STK4: variants seen among roughly 807,000 people sequenced by gnomAD.
The protein encoded by STK4 is serine/threonine-protein kinase 4.
Under a neutral mutation model 64.9 loss-of-function variants are expected in STK4, and 30 were observed. The observed-to-expected ratio is 0.46, with a 90% confidence interval of 0.35 to 0.63. The LOEUF (loss-of-function observed/expected upper bound fraction) is 0.63. Ranked by LOEUF, STK4 falls within the 20% of genes least tolerant of loss-of-function variation. The pLI, the probability that STK4 is intolerant of heterozygous loss-of-function variation, is 0.01. For missense variants in STK4, 466 were observed against 598.5 expected (o/e 0.78, Z 2.31); for synonymous variants, 177 against 199.0 (o/e 0.89, Z 0.93).
intron 6 of STK4, among the ~76,000 whole-genome samples, chr20:44,995,684 T>G (rs992299993): frequency 2.0e-5 from 3 of 152,046 alleles, no homozygotes; most frequent in African/African-American, 7.2e-5. Flanking sequence ...TGTGTAAATT[T>G]GTAAGTGTCG....
chr20:45,035,593 A>G (rs924351415), intron 10 of STK4, among the ~76,000 whole-genome samples: 2 of 152,192 alleles, frequency 1.3e-5, no homozygotes, highest in East Asian at 1.9e-4. Flanking sequence ...AATTCAATCT[A>G]TATTTATTGA....
chr20:45,070,863 G>T (rs1980004373), intron 10 of STK4, among the ~76,000 whole-genome samples: 1 of 149,512 alleles, frequency 6.7e-6, no homozygotes, highest in Non-Finnish European at 1.5e-5. Context: ...ACTTGCCTGG[G>T]GGACAGAGCC....
chr20:45,069,823 A>G (rs1361795662), intron 10 of STK4, among the ~76,000 whole-genome samples: 1 of 152,244 alleles, frequency 6.6e-6, no homozygotes, highest in Non-Finnish European at 1.5e-5. Context: ...GACAAGGTCA[A>G]TCCCTTACAG....
chr20:44,974,099 G>C (rs1601178781), intron 2 of STK4: 1 of 152,212 alleles, frequency 6.6e-6, no homozygotes, highest in African/African-American at 2.4e-5. Context: ...TATTTTTGTA[G>C]AGACGAGGTC....
At chr20:45,029,126 C>T (rs998840377) in intron 10 of STK4, among the ~76,000 whole-genome samples, 1 of 152,300 alleles carries the variant, frequency 6.6e-6, no homozygotes, top group Middle Eastern at 3.4e-3. Context: ...AGATTTTACA[C>T]AAAATGTTGG....
chr20:44,972,824 C>G (rs140768900), intron 2 of STK4: 1 of 151,346 alleles, frequency 6.6e-6, no homozygotes, highest in Non-Finnish European at 1.5e-5. Flanking sequence ...GACACCATTT[C>G]TTAAGTTTTT....
intron 9 of STK4, among the ~76,000 whole-genome samples, chr20:45,018,051 A>G (rs888213044): frequency 4.6e-5 from 7 of 152,246 alleles, no homozygotes; most frequent in African/African-American, 1.7e-4. Flanking sequence ...ATGAGCTGAT[A>G]CATGTAAAGC....
At chr20:45,068,132 C>A (rs376759410) in intron 10 of STK4, among the ~76,000 whole-genome samples, 7 of 152,138 alleles carry the variant, frequency 4.6e-5, no homozygotes, top group African/African-American at 1.7e-4. Flanking sequence ...GAATAATGTC[C>A]TCCATTGAAA....
intron 10 of STK4, among the ~76,000 whole-genome samples, chr20:45,071,741 T>C (rs1290017140): frequency 1.3e-5 from 2 of 152,286 alleles, no homozygotes; most frequent in East Asian, 3.9e-4. Context: ...AATACCTGTA[T>C]AGCTTCTTTA....
chr20:44,981,838 A>G lies in STK4; in HGVS notation c.255A>G (p.Val85=). The change falls in exon 4 of 11, where the codon GTA becomes GTG. Residue 85 remains valine (V), a synonymous_variant. Coordinates refer to ENST00000372806, the MANE Select transcript of STK4 (RefSeq NM_006282.5). ...SIMQQCDSPH[V]VKYYGSYFKN... is the part of the protein sequence containing the mutation. ...GTCTCTCTCTCTCTAGCCCTCATGT[A>G]GTCAAATATTATGGCAGTTATTTTA... The G allele has an allele frequency of 6.2e-7, 1 of 1,605,762 alleles. No individual in the cohort carries two copies. The highest frequency in any genetic ancestry group is 2.2e-5 in the East Asian group (1 of 44,794).
rs1270989946 is a variant in STK4 at position 45,076,438 on chromosome 20, T to C, written c.*1262T>C. 1 of 152,184 alleles carries C rather than the reference T, an allele frequency of 6.6e-6. No individual in the cohort carries two copies. The highest frequency in any genetic ancestry group is 1.5e-5 in the Non-Finnish European group (1 of 68,044). The allele number at this position is 152,184 out of a possible 1,614,324, so 9.4% of individuals were successfully genotyped here. ...GCCACCGAACCATGCAGCCCCTTCT[T>C]TGGGGGAAGAGACCTGTGTCAGTCT... On this transcript the variant is annotated 3_prime_UTR_variant, in exon 11 of 11. Transcript: ENST00000372806. This position sits in a 1 kb window ranked among gnomAD's most constrained non-coding sequence, Gnocchi z 4.0.
At chr20:45,020,452 GTGTGTGTGTGTGTGTATGTT>G (rs1339013013) in intron 9 of STK4, among the ~76,000 whole-genome samples, 1 of 126,032 alleles carries the variant, frequency 7.9e-6, no homozygotes, top group Non-Finnish European at 1.6e-5. Context: ...GTGTGTGTGT[GTGTGTGTGTGTGTGTATGTT>G]TATGTTTATG....
In STK4 at chr20:44,978,430, C is replaced by T; in HGVS notation, c.117-13C>T. 1 of 1,600,182 alleles carries T rather than the reference C, an allele frequency of 6.2e-7. No homozygotes were observed. Among genetic ancestry groups the T allele is most frequent in the Non-Finnish European group, 8.5e-7 (1 of 1,175,414 alleles). ...TTGACTTTATAAATGTTCTTCTTCT[C>T]CCAAATGTATAGGTCCTATGGCAGC... On this transcript the variant is annotated splice_polypyrimidine_tract_variant and intron_variant, in intron 2 of 10. Coordinates refer to ENST00000372806, the MANE Select transcript of STK4 (RefSeq NM_006282.5).
intron 10 of STK4, among the ~76,000 whole-genome samples, chr20:45,059,264 T>C (rs568020319): frequency 1.3e-5 from 2 of 152,356 alleles, no homozygotes; most frequent in East Asian, 3.9e-4. Context: ...AGAAGATTCA[T>C]TCTTACTGTA....
In STK4 at chr20:45,078,915, T is replaced by C. The variant is rs1179998966; in HGVS notation, c.*3739T>C. ...TAAAAAGCCAATAGAATATTATGAA[T>C]AATTTTATGCTAATAAATTTAACAA... On this transcript the variant is annotated 3_prime_UTR_variant, in exon 11 of 11. Transcript: ENST00000372806. The C allele has an allele frequency of 6.6e-6, 1 of 152,280 alleles. No individual in the cohort carries two copies. The highest frequency in any genetic ancestry group is 1.5e-5 in the Non-Finnish European group (1 of 68,034). 9.4% of individuals were successfully genotyped at this position (152,280 alleles called of 1,614,324 possible).
Position 45,012,779 on chromosome 20 carries a change from ATCTTCT to A in STK4, c.1147+11443_1147+11448del, listed in dbSNP as rs1186946228. On this transcript the variant is annotated intron_variant, in intron 9 of 10. Coordinates refer to ENST00000372806, the MANE Select transcript of STK4 (RefSeq NM_006282.5). ...TTTTTCCTTTTGATCTTTATATATAATCTTCTTCTTCTTCTTCTTCTTTTTTTTTTT... is the reference window on the plus strand; with the variant it reads ...TTTTTCCTTTTGATCTTTATATATAATCTTCTTCTTCTTCTTTTTTTTTTT... Among the ~76,000 whole-genome samples the A allele has an allele frequency of 6.8e-4, 95 of 139,702 alleles. 18 individuals carry two copies. The highest frequency in any genetic ancestry group is 3.8e-3 in the Middle Eastern group (1 of 260). The allele number at this position is 139,702 out of a possible 152,430, so 91.6% of individuals were successfully genotyped here. A position where few individuals can be genotyped will look rare whatever the true frequency, so the allele number is the denominator to read the frequency against.
chr20:45,018,241 CATTCATGCATGAAACAGAGAAAA>C (rs1438533510), intron 9 of STK4, among the ~76,000 whole-genome samples: 6 of 152,054 alleles, frequency 3.9e-5, no homozygotes, highest in African/African-American at 1.4e-4. Flanking sequence ...TTCCTGCAAA[CATTCATGCATGAAACAGAGAAAA>C]AAAATCAGGC....
In STK4 at chr20:44,977,624, G is replaced by A. The variant is rs57124636; in HGVS notation, c.117-819G>A. ...TCAGGTACAACAAGGTTAATAAGGTGTAAATGATAGCTAAATGTAGTGTTG... is the reference window on the plus strand; with the variant it reads ...TCAGGTACAACAAGGTTAATAAGGTATAAATGATAGCTAAATGTAGTGTTG... On this transcript the variant is annotated intron_variant, in intron 2 of 10. Coordinates refer to ENST00000372806, the MANE Select transcript of STK4 (RefSeq NM_006282.5). Among the ~76,000 whole-genome samples the A allele has an allele frequency of 9.5e-3, 1,454 of 152,284 alleles. 27 individuals are homozygous for A. The highest frequency in any genetic ancestry group is 0.033 in the African/African-American group (1,379 of 41,552).
chr20:45,050,696 G>C (rs1372683901), intron 10 of STK4, among the ~76,000 whole-genome samples: 2 of 151,986 alleles, frequency 1.3e-5, no homozygotes, highest in African/African-American at 2.4e-5. Flanking sequence ...AAGATATTCT[G>C]CTAGAATATC....
Sources: allele counts gnomAD v4.1 joint callset (sites outside exome capture counted in the v4.1 genomes callset), GRCh38; gene constraint gnomAD v4.1.1; non-coding constraint Gnocchi (gnomAD v3.1); transcripts MANE v1.5; gene names NCBI Gene and HGNC (gene_info 2026-07-23, HGNC 2026-07-21).